FSTL5: variants seen among roughly 807,000 people sequenced by gnomAD.
The protein encoded by FSTL5 is follistatin like 5.
FSTL5 carries 62 observed loss-of-function variants against 89.1 expected under a neutral mutation model. The ratio of observed to expected loss-of-function variants is 0.70; its 90% CI spans 0.57 to 0.86. FSTL5 has a LOEUF of 0.86. Ranked by LOEUF, FSTL5 falls within the 40% of genes least tolerant of loss-of-function variation. FSTL5 has a pLI of 0.00. For synonymous variants in FSTL5, 383 were observed against 346.2 expected (o/e 1.11, Z -1.18); for missense variants, 1,057 against 1,001.6 (o/e 1.06, Z -0.75).
intron 3 of FSTL5, among the ~76,000 whole-genome samples, chr4:161,995,226 T>C (rs1271759591): frequency 2.0e-5 from 3 of 152,228 alleles, no homozygotes; most frequent in Non-Finnish European, 4.4e-5. Flanking sequence ...GGTGTTTTTA[T>C]GCCATATATT....
intron 15 of FSTL5, among the ~76,000 whole-genome samples, chr4:161,450,322 A>G (rs2126389661): frequency 6.6e-6 from 1 of 152,328 alleles, no homozygotes; most frequent in East Asian, 1.9e-4. Flanking sequence ...CAATGTTCAC[A>G]CATAAGAAAC....
intron 2 of FSTL5, among the ~76,000 whole-genome samples, chr4:162,036,996 T>C (rs1229372263): frequency 4.6e-5 from 7 of 151,790 alleles, no homozygotes; most frequent in Non-Finnish European, 1.0e-4. Context: ...CTAAAGTCCA[T>C]AGATATTATG....
Position 161,498,922 on chromosome 4 carries a change from C to T in FSTL5, c.1458+1094G>A, listed in dbSNP as rs182561278. Among the ~76,000 whole-genome samples the T allele has an allele frequency of 4.0e-3, 615 of 152,082 alleles. 5 individuals are homozygous for T. The highest frequency in any genetic ancestry group is 0.014 in the African/African-American group (596 of 41,492). ...TTAAGATTATAAAAGAAAATAGGGC[C>T]GAGTGAAGTGGCTCATGCCTCTAAT... On this transcript the variant is annotated intron_variant, in intron 12 of 15. Coordinates refer to ENST00000306100, the MANE Select transcript of FSTL5 (RefSeq NM_020116.5).
At chr4:161,651,461 T>G (rs1364508590) in intron 7 of FSTL5, among the ~76,000 whole-genome samples, 1 of 152,072 alleles carries the variant, frequency 6.6e-6, no homozygotes, top group African/African-American at 2.4e-5. Context: ...TAATACTAAA[T>G]TACTATTTTT....
At chr4:161,929,845 C>T (rs1383855200) in intron 3 of FSTL5, among the ~76,000 whole-genome samples, 1 of 151,630 alleles carries the variant, frequency 6.6e-6, no homozygotes, top group Admixed American at 6.6e-5. Context: ...GTCTCTCTGA[C>T]ATCCAGTAAG....
intron 8 of FSTL5, among the ~76,000 whole-genome samples, chr4:161,569,792 CACACA>C (rs764437373): frequency 3.6e-5 from 5 of 140,474 alleles, no homozygotes; most frequent in African/African-American, 1.0e-4. Flanking sequence ...CACACACACA[CACACA>C]CACCCCACAT....
intron 15 of FSTL5, among the ~76,000 whole-genome samples, chr4:161,423,817 T>A (rs2126320014): frequency 6.6e-6 from 1 of 151,906 alleles, no homozygotes; most frequent in Non-Finnish European, 1.5e-5. Flanking sequence ...GGACAAGGCT[T>A]GATCTTTCCT....
At chr4:162,022,514 C>A (rs947311510) in intron 3 of FSTL5, among the ~76,000 whole-genome samples, 2 of 151,868 alleles carry the variant, frequency 1.3e-5, no homozygotes, top group African/African-American at 4.8e-5. Context: ...AGAAAGATTG[C>A]CATATAAAGA....
Position 162,147,163 on chromosome 4 carries a change from C to T in FSTL5, c.-17+16452G>A, listed in dbSNP as rs534855714. Among the ~76,000 whole-genome samples the T allele has an allele frequency of 6.6e-5, 10 of 152,182 alleles. No homozygotes were observed. The East Asian group carries it at 1.7e-3, about 27-fold the overall frequency. On this transcript the variant is annotated intron_variant, in intron 1 of 15. Transcript: ENST00000306100. Reference sequence around the variant, plus strand: ...TCCTGTTTCTCTAGGCTCTTCTTAACTATGATTTCACTTGTTTTCTTATTT... The same window carrying T: ...TCCTGTTTCTCTAGGCTCTTCTTAATTATGATTTCACTTGTTTTCTTATTT...
At chr4:161,695,689 A>C (rs923255933) in intron 6 of FSTL5, among the ~76,000 whole-genome samples, 8 of 151,492 alleles carry the variant, frequency 5.3e-5, no homozygotes, top group South Asian at 2.1e-4. Context: ...GGTAGTTTTG[A>C]TTTATTTTCA....
At chr4:161,581,644 T>A (rs1048658624) in intron 8 of FSTL5, among the ~76,000 whole-genome samples, 1 of 152,238 alleles carries the variant, frequency 6.6e-6, no homozygotes, top group African/African-American at 2.4e-5. Context: ...GGCTTTTGTG[T>A]CTTTCGTACA....
rs116677898 is a variant in FSTL5, at chr4:161,777,711, A to G, written c.410-1637T>C. 2.4e-3 allele frequency among the ~76,000 whole-genome samples: 364 copies of G among 152,254 alleles called. 1 individual carries two copies. Among genetic ancestry groups the G allele is most frequent in the African/African-American group, 5.5e-3 (227 of 41,540 alleles). On this transcript the variant is annotated intron_variant, in intron 4 of 15. Coordinates refer to ENST00000306100, the MANE Select transcript of FSTL5 (RefSeq NM_020116.5). Reference sequence around the variant, plus strand: ...AAGCTTACTGAAGCAAGACTGTGTTATAGATATTTAGTACCTGCCATGTAA... The same window carrying G: ...AAGCTTACTGAAGCAAGACTGTGTTGTAGATATTTAGTACCTGCCATGTAA...
intron 1 of FSTL5, among the ~76,000 whole-genome samples, chr4:162,112,816 C>A (rs1350495313): frequency 6.7e-6 from 1 of 148,320 alleles, no homozygotes; most frequent in East Asian, 2.0e-4. Context: ...CACACACACA[C>A]CAGTGGGCAT....
chr4:161,565,742 G>GACACACAC (rs145835055), intron 8 of FSTL5, among the ~76,000 whole-genome samples: 28,430 of 133,338 alleles, frequency 0.21, 3,328 homozygotes, highest in Non-Finnish European at 0.26. Context: ...TATAACTTGA[G>GACACACAC]ACACACACAC....
intron 4 of FSTL5, among the ~76,000 whole-genome samples, chr4:161,864,123 C>T (rs1222883307): frequency 6.6e-6 from 1 of 152,164 alleles, no homozygotes; most frequent in Non-Finnish European, 1.5e-5. Flanking sequence ...AAACAGATTA[C>T]ATCAAGCTCC....
intron 7 of FSTL5, among the ~76,000 whole-genome samples, chr4:161,620,121 T>C (rs1235369780): frequency 7.2e-6 from 1 of 138,232 alleles, no homozygotes; most frequent in Non-Finnish European, 1.5e-5. Context: ...TTCTCACTCA[T>C]AGGTGGGAAT....
chr4:162,153,751 C>CGTATAT (rs1733351276), intron 1 of FSTL5, among the ~76,000 whole-genome samples: 4 of 128,776 alleles, frequency 3.1e-5, no homozygotes, highest in Non-Finnish European at 6.5e-5. Flanking sequence ...TAATAATATA[C>CGTATAT]ATGTATATAT....
At chr4:161,433,356 TC>T (rs967903359) in intron 15 of FSTL5, among the ~76,000 whole-genome samples, 1 of 151,902 alleles carries the variant, frequency 6.6e-6, no homozygotes, top group African/African-American at 2.4e-5. Context: ...AAATTCAATA[TC>T]CCTTTATGAT....
chr4:162,152,796 A>C (rs1733279534), intron 1 of FSTL5, among the ~76,000 whole-genome samples: 1 of 151,982 alleles, frequency 6.6e-6, no homozygotes, highest in South Asian at 2.1e-4. Flanking sequence ...GTCTAAATTT[A>C]TACTCAGAAA....
Sources: allele counts gnomAD v4.1 joint callset (sites outside exome capture counted in the v4.1 genomes callset), GRCh38; gene constraint gnomAD v4.1.1; transcripts MANE v1.5; gene names NCBI Gene and HGNC (gene_info 2026-07-23, HGNC 2026-07-21).